CRPPA: variants seen among roughly 807,000 people sequenced by gnomAD.
CRPPA encodes CDP-L-ribitol pyrophosphorylase A.
Under a neutral mutation model 52.0 loss-of-function variants are expected in CRPPA, and 43 were observed. The ratio of observed to expected loss-of-function variants is 0.83; its 90% CI spans 0.65 to 1.07. CRPPA has a LOEUF of 1.07. Among genes scored for constraint, CRPPA ranks in the 50% least tolerant of loss-of-function variants. The pLI, the probability that CRPPA is intolerant of heterozygous loss-of-function variation, is 0.00. For synonymous variants in CRPPA, 250 were observed against 203.5 expected (o/e 1.23, Z -1.94); for missense variants, 629 against 551.7 (o/e 1.14, Z -1.40).
At chr7:16,239,278 C>T (rs1279941902) in intron 8 of CRPPA, among the ~76,000 whole-genome samples, 2 of 151,612 alleles carry the variant, frequency 1.3e-5, no homozygotes, top group Non-Finnish European at 2.9e-5. Flanking sequence ...AGACCTAGTA[C>T]TTGTGCCTTA....
intron 9 of CRPPA, among the ~76,000 whole-genome samples, chr7:16,104,833 G>A (rs1207920378): frequency 6.6e-6 from 1 of 151,686 alleles, no homozygotes; most frequent in South Asian, 2.1e-4. Flanking sequence ...CTGGGAGGCG[G>A]AGGCTGCAGT....
chr7:16,093,347 T>C (rs1781875307), intron 9 of CRPPA, among the ~76,000 whole-genome samples: 1 of 152,156 alleles, frequency 6.6e-6, no homozygotes, highest in Non-Finnish European at 1.5e-5. Flanking sequence ...CACTCCTATT[T>C]GCATATTTAG....
intron 9 of CRPPA, among the ~76,000 whole-genome samples, chr7:16,138,332 T>C (rs1311469270): frequency 2.6e-5 from 4 of 152,192 alleles, no homozygotes; most frequent in African/African-American, 7.2e-5. Context: ...CTGGCAAAGG[T>C]ACTACATCTC....
Position 16,130,311 on chromosome 7 carries a change from C to G in CRPPA, c.1252-38512G>C, listed in dbSNP as rs377199457. ...CAAAGAGTATCTCTAAATAAAGTCTCCAGAAAATCTTTAGTTATATCACAG... is the reference window on the plus strand; with the variant it reads ...CAAAGAGTATCTCTAAATAAAGTCTGCAGAAAATCTTTAGTTATATCACAG... On this transcript the variant is annotated intron_variant, in intron 9 of 9. Transcript: ENST00000407010. 2.6e-4 allele frequency among the ~76,000 whole-genome samples: 39 copies of G among 152,228 alleles called. No homozygotes were observed. In the East Asian group the frequency reaches 4.8e-3, roughly 19 times the overall value.
chr7:16,333,160 A>G (rs566712026), intron 3 of CRPPA, among the ~76,000 whole-genome samples: 9 of 152,214 alleles, frequency 5.9e-5, no homozygotes, highest in Non-Finnish European at 1.3e-4. Flanking sequence ...AATAAACTGT[A>G]ATTGGAGACT....
chr7:16,184,221 A>G (rs1443426793), intron 9 of CRPPA, among the ~76,000 whole-genome samples: 2 of 152,116 alleles, frequency 1.3e-5, no homozygotes, highest in African/African-American at 4.8e-5. Context: ...GATTACAGGC[A>G]TGAGCCACCA....
chr7:16,304,461 T>G (rs183191421), intron 4 of CRPPA, among the ~76,000 whole-genome samples: 301 of 152,178 alleles, frequency 2.0e-3, no homozygotes, highest in African/African-American at 7.0e-3. Context: ...GCCAACATAG[T>G]GACACCCCGT....
Position 16,089,678 on chromosome 7 carries a change from G to A in CRPPA, c.*2017C>T, listed in dbSNP as rs1781795548. 5.1e-6 allele frequency: 1 copy of A among 195,324 alleles called. No homozygotes were observed. Among genetic ancestry groups the A allele is most frequent in the African/African-American group, 2.3e-5 (1 of 43,264 alleles). 12.1% of individuals were successfully genotyped at this position (195,324 alleles called of 1,614,324 possible). A position where few individuals can be genotyped will look rare whatever the true frequency, so the allele number is the denominator to read the frequency against. ...TGTGAATTGCTTTGCCTGCTATGAA[G>A]GACCAAATGCTATTTTTTCCAGGCA... On this transcript the variant is annotated 3_prime_UTR_variant, in exon 10 of 10. Transcript: ENST00000407010.
chr7:16,416,099 G>A (rs533767873), intron 1 of CRPPA, among the ~76,000 whole-genome samples: 10 of 152,274 alleles, frequency 6.6e-5, no homozygotes, highest in South Asian at 2.1e-4. Flanking sequence ...TTACTTATGA[G>A]GGGCAAATAA....
chr7:16,252,547 G>T (rs926636038), intron 8 of CRPPA, among the ~76,000 whole-genome samples: 1 of 152,170 alleles, frequency 6.6e-6, no homozygotes, highest in East Asian at 1.9e-4. Context: ...GTTCATCACG[G>T]ATATTGGTCT....
At chr7:16,209,290 T>TTTA (rs1782063195) in intron 9 of CRPPA, 2 of 197,648 alleles carry the variant, frequency 1.0e-5, no homozygotes, top group African/African-American at 2.5e-5. Context: ...TTTTTTTTTT[T>TTTA]GAGACGAGTC....
intron 1 of CRPPA, among the ~76,000 whole-genome samples, chr7:16,413,589 G>A (rs1204569431): frequency 6.6e-6 from 1 of 152,148 alleles, no homozygotes; most frequent in East Asian, 1.9e-4. Context: ...CCTAATTCAA[G>A]TGATCAACCT....
At chr7:16,327,009 G>C (rs1238862217) in intron 3 of CRPPA, among the ~76,000 whole-genome samples, 1 of 152,140 alleles carries the variant, frequency 6.6e-6, no homozygotes, top group Non-Finnish European at 1.5e-5. Context: ...TTCCATGTTA[G>C]AACAGTGAAA....
intron 8 of CRPPA, among the ~76,000 whole-genome samples, chr7:16,228,103 A>T (rs377145983): frequency 5.9e-5 from 9 of 151,946 alleles, no homozygotes; most frequent in East Asian, 1.9e-4. Flanking sequence ...ATGTGTATTT[A>T]TATACCAGTA....
chr7:16,207,674 C>T, intron 9 of CRPPA, among the ~76,000 whole-genome samples: 1 of 152,182 alleles, frequency 6.6e-6, no homozygotes, highest in East Asian at 1.9e-4. Context: ...TTTGCAAAGC[C>T]TAATTATTCA....
chr7:16,375,992 T>G (rs1786870292), intron 3 of CRPPA, 100 bp downstream of exon 3: 1 of 1,154,896 alleles, frequency 8.7e-7, no homozygotes, highest in Non-Finnish European at 1.2e-6. Context: ...TGAGTATAAC[T>G]ATACGCTCAG....
At position 16,087,819 on chromosome 7, in the gene CRPPA, A is replaced by G. The variant is rs1781728309; in HGVS notation, c.*3876T>C. On this transcript the variant is annotated 3_prime_UTR_variant, in exon 10 of 10. Coordinates refer to ENST00000407010, the MANE Select transcript of CRPPA (RefSeq NM_001101426.4). ...ATAACTTCTATCTTTCTTCTTGCAT[A>G]TGGTTGACATTTTAATTAAGATGTT... 2 of 152,120 alleles carry G rather than the reference A, an allele frequency of 1.3e-5. No homozygotes were observed. The highest frequency in any genetic ancestry group is 4.8e-5 in the African/African-American group (2 of 41,442). 9.4% of individuals were successfully genotyped at this position (152,120 alleles called of 1,614,324 possible).
chr7:16,125,888 T>TACACACACACACACACAC (rs3083131), intron 9 of CRPPA, among the ~76,000 whole-genome samples: 1 of 134,150 alleles, frequency 7.5e-6, no homozygotes, highest in Admixed American at 7.4e-5. Context: ...GAAGCTTGCC[T>TACACACACACACACACAC]ACACACACAC....
At chr7:16,204,077 C>T (rs2128394309) in intron 9 of CRPPA, among the ~76,000 whole-genome samples, 1 of 152,178 alleles carries the variant, frequency 6.6e-6, no homozygotes, top group South Asian at 2.1e-4. Flanking sequence ...ACATGTATTT[C>T]CTAGCTCATT....
Sources: gnomAD v4.1 joint callset for allele counts (sites outside exome capture counted in the v4.1 genomes callset) on GRCh38, gnomAD v4.1.1 for gene constraint, MANE v1.5 for transcripts, NCBI Gene and HGNC (gene_info 2026-07-23, HGNC 2026-07-21) for gene names.